PTCHD4: variants seen among roughly 807,000 people sequenced by gnomAD.
PTCHD4 encodes the protein patched domain-containing protein 4.
Under a neutral mutation model 58.1 loss-of-function variants are expected in PTCHD4, and 33 were observed. That is an observed-to-expected ratio of 0.57 (90% CI 0.43 to 0.76). The LOEUF (loss-of-function observed/expected upper bound fraction) is 0.76. PTCHD4 is among the 30% of genes least tolerant of loss of function. The probability of loss-of-function intolerance (pLI) is 0.00; values close to 1 mark genes in which losing one functional copy is unlikely to be tolerated. For synonymous variants in PTCHD4, 478 were observed against 409.6 expected (o/e 1.17, Z -2.02); for missense variants, 1,058 against 1,027.1 (o/e 1.03, Z -0.41).
chr6:47,946,991 C>T (rs564842446), intron 4 of PTCHD4, among the ~76,000 whole-genome samples: 6 of 152,120 alleles, frequency 3.9e-5, no homozygotes, highest in Admixed American at 6.6e-5. Flanking sequence ...TGTGCACCAC[C>T]GTGCCCAACT....
chr6:47,907,568 C>T (rs1764932658), intron 4 of PTCHD4, among the ~76,000 whole-genome samples: 1 of 152,198 alleles, frequency 6.6e-6, no homozygotes, highest in East Asian at 1.9e-4. Context: ...AGGCTTGGGG[C>T]TGGAGAAGCC....
intron 3 of PTCHD4, among the ~76,000 whole-genome samples, chr6:48,041,412 A>G (rs1161383352): frequency 2.6e-5 from 4 of 152,074 alleles, no homozygotes; most frequent in Admixed American, 2.6e-4. Flanking sequence ...AGACTACCTA[A>G]GGAACATGTT....
chr6:47,925,795 C>T (rs1340739394), intron 4 of PTCHD4, among the ~76,000 whole-genome samples: 3 of 152,170 alleles, frequency 2.0e-5, no homozygotes, highest in South Asian at 2.1e-4. Flanking sequence ...GTTTCAGTCT[C>T]GGGGCAATTT....
chr6:47,974,233 C>T (rs1037838905), intron 4 of PTCHD4, among the ~76,000 whole-genome samples: 2 of 152,192 alleles, frequency 1.3e-5, no homozygotes, highest in Non-Finnish European at 2.9e-5. Context: ...AATATTTCAT[C>T]TCATTTTAGC....
At chr6:48,048,966 G>A (rs933874172) in intron 3 of PTCHD4, among the ~76,000 whole-genome samples, 13 of 151,938 alleles carry the variant, frequency 8.6e-5, no homozygotes, top group African/African-American at 3.1e-4. Flanking sequence ...CACACATTCT[G>A]AGACCACTGA....
At chr6:48,088,543 T>C (rs1234261336) in intron 1 of PTCHD4, among the ~76,000 whole-genome samples, 2 of 152,094 alleles carry the variant, frequency 1.3e-5, no homozygotes, top group Non-Finnish European at 2.9e-5. Context: ...GTGAAAGTTA[T>C]TGAAGGTGAC....
intron 3 of PTCHD4, among the ~76,000 whole-genome samples, chr6:48,039,683 G>A (rs193122315): frequency 6.6e-6 from 1 of 152,188 alleles, no homozygotes; most frequent in Non-Finnish European, 1.5e-5. Flanking sequence ...AATACTTTGG[G>A]TGATGATATT....
intron 3 of PTCHD4, among the ~76,000 whole-genome samples, chr6:48,035,832 C>G (rs1292453523): frequency 6.6e-6 from 1 of 152,130 alleles, no homozygotes; most frequent in African/African-American, 2.4e-5. Context: ...GATGTTTCCT[C>G]TTAGTAATTT....
chr6:48,020,403 T>C (rs1763024058), intron 3 of PTCHD4, among the ~76,000 whole-genome samples: 3 of 152,242 alleles, frequency 2.0e-5, no homozygotes, highest in Non-Finnish European at 4.4e-5. Context: ...TCTAAAATTA[T>C]GAAAGTTGTT....
intron 1 of PTCHD4, among the ~76,000 whole-genome samples, chr6:48,085,057 T>TA (rs34861383): frequency 0.054 from 7,879 of 144,666 alleles, 209 homozygotes; most frequent in Non-Finnish European, 0.067. Context: ...TACTTCTCAT[T>TA]AAAAAAAAAA....
intron 3 of PTCHD4, among the ~76,000 whole-genome samples, chr6:48,033,510 G>T (rs1763523837): frequency 2.0e-5 from 3 of 151,294 alleles, no homozygotes; most frequent in African/African-American, 7.3e-5. Flanking sequence ...TTCCTTCAAT[G>T]GACTTAGTGT....
intron 3 of PTCHD4, among the ~76,000 whole-genome samples, chr6:48,048,473 T>C (rs1764116404): frequency 6.6e-6 from 1 of 151,888 alleles, no homozygotes. Context: ...TTCACAAAAC[T>C]CTCTCAGGGC....
Position 48,068,160 on chromosome 6 carries a change from C to T in PTCHD4, c.417+70G>A, listed in dbSNP as rs1157546132. 6.9e-7 allele frequency: 1 copy of T among 1,447,136 alleles called. No homozygotes were observed. Among genetic ancestry groups the T allele is most frequent in the Non-Finnish European group, 9.3e-7 (1 of 1,072,378 alleles). The allele number at this position is 1,447,136 out of a possible 1,614,324, so 89.6% of individuals were successfully genotyped here. The stretch of plus-strand genomic sequence containing the variant: ...AGCACTGAAATAATATCATCCAGCA[C>T]GCATTTCTTATCCTGATTTCTCAAC... On this transcript the variant is annotated intron_variant, in intron 3 of 4. Transcript: ENST00000339488. This position sits in a 1 kb window ranked among gnomAD's most constrained non-coding sequence, Gnocchi z 4.2.
At chr6:47,907,438 C>T (rs1040955843) in intron 4 of PTCHD4, among the ~76,000 whole-genome samples, 1 of 152,162 alleles carries the variant, frequency 6.6e-6, no homozygotes, top group South Asian at 2.1e-4. Flanking sequence ...ATACAAGAGA[C>T]AAGAAGAAGA....
intron 3 of PTCHD4, among the ~76,000 whole-genome samples, chr6:48,014,403 T>C (rs1476280150): frequency 6.6e-6 from 1 of 152,176 alleles, no homozygotes; most frequent in Non-Finnish European, 1.5e-5. Flanking sequence ...GTAATTATCC[T>C]GTGGACAGAA....
intron 3 of PTCHD4, among the ~76,000 whole-genome samples, chr6:48,043,660 C>T (rs1268671102): frequency 6.6e-6 from 1 of 151,922 alleles, no homozygotes; most frequent in Non-Finnish European, 1.5e-5. Context: ...CCTGTGCTTG[C>T]TGTTCTGACT....
intron 4 of PTCHD4, among the ~76,000 whole-genome samples, chr6:47,920,074 T>A (rs1765384370): frequency 6.6e-6 from 1 of 152,098 alleles, no homozygotes; most frequent in African/African-American, 2.4e-5. Flanking sequence ...TTAGAAATAA[T>A]CCTTTACTGT....
At chr6:48,036,025 A>AT (rs893102080) in intron 3 of PTCHD4, among the ~76,000 whole-genome samples, 221 of 149,462 alleles carry the variant, frequency 1.5e-3, no homozygotes, top group East Asian at 3.3e-3. Flanking sequence ...ATTGAATAAC[A>AT]TTTTTTTTTT....
chr6:48,048,205 A>C (rs1764108247), intron 3 of PTCHD4, among the ~76,000 whole-genome samples: 1 of 151,878 alleles, frequency 6.6e-6, no homozygotes, highest in African/African-American at 2.4e-5. Context: ...GTACTAGGAA[A>C]ATTTGGCCTA....
Sources: gnomAD v4.1 joint callset for allele counts (sites outside exome capture counted in the v4.1 genomes callset) on GRCh38, gnomAD v4.1.1 for gene constraint, Gnocchi (gnomAD v3.1) non-coding constraint, MANE v1.5 for transcripts, NCBI Gene and HGNC (gene_info 2026-07-23, HGNC 2026-07-21) for gene names.